The following ZNF385D variants were observed in gnomAD, a reference collection of about 807,000 sequenced individuals.
ZNF385D encodes the protein zinc finger protein 659.
A neutral mutation model predicts 35.8 loss-of-function variants in ZNF385D; 15 were observed. The observed-to-expected ratio is 0.42, with a 90% CI of 0.28 to 0.64. The LOEUF (loss-of-function observed/expected upper bound fraction) is 0.64, where lower values mean the gene tolerates loss of function less well. Among genes scored for constraint, ZNF385D ranks in the 30% least tolerant of loss-of-function variants. The probability of loss-of-function intolerance (pLI) is 0.23; values close to 1 mark genes in which losing one functional copy is unlikely to be tolerated. For missense variants in ZNF385D, 474 were observed against 494.6 expected (o/e 0.96, Z 0.39); for synonymous variants, 212 against 186.8 (o/e 1.13, Z -1.10).
At chr3:22,119,365 C>G (rs555844805) in intron 3 of ZNF385D, among the ~76,000 whole-genome samples, 90 of 152,248 alleles carry the variant, frequency 5.9e-4, no homozygotes, top group African/African-American at 2.1e-3. Context: ...GTCATATAAA[C>G]TGAAATGCAG....
chr3:21,831,477 T>G (rs953067564), intron 3 of ZNF385D, among the ~76,000 whole-genome samples: 1 of 152,232 alleles, frequency 6.6e-6, no homozygotes, highest in Non-Finnish European at 1.5e-5. Flanking sequence ...AAGAAATCCT[T>G]AGCTTTGTTC....
intron 2 of ZNF385D, among the ~76,000 whole-genome samples, chr3:21,616,631 AG>A (rs1207968538): frequency 3.9e-5 from 6 of 152,356 alleles, no homozygotes; most frequent in African/African-American, 1.2e-4. Context: ...ATTAAAAAAA[AG>A]ATTCATGTTC....
rs58068310 is a variant in ZNF385D at position 22,015,070 on chromosome 3, G to A, written c.325+153747C>T. 2.4e-3 allele frequency among the ~76,000 whole-genome samples: 372 copies of A among 152,038 alleles called. 1 individual carries two copies. Among genetic ancestry groups the A allele is most frequent in the African/African-American group, 8.6e-3 (356 of 41,490 alleles). On this transcript the variant is annotated intron_variant, in intron 3 of 5. Transcript: ENST00000494108. Reference sequence around the variant, plus strand: ...CTTTTTTTTTAAATTATACACAGCTGTGGCCATAGGATGGGACTCCCACAT... The same window carrying A: ...CTTTTTTTTTAAATTATACACAGCTATGGCCATAGGATGGGACTCCCACAT...
intron 2 of ZNF385D, among the ~76,000 whole-genome samples, chr3:21,573,789 G>T (rs540803414): frequency 6.6e-6 from 1 of 152,204 alleles, no homozygotes; most frequent in South Asian, 2.1e-4. Flanking sequence ...GCTGGGCACG[G>T]TGGCTCACCC....
At chr3:21,664,171 T>C (rs1213247346) in intron 2 of ZNF385D, among the ~76,000 whole-genome samples, 1 of 150,656 alleles carries the variant, frequency 6.6e-6, no homozygotes, top group African/African-American at 2.4e-5. Context: ...TCAATTTTCA[T>C]CCTAAGAATA....
chr3:22,138,180 T>G (rs556326596), intron 3 of ZNF385D, among the ~76,000 whole-genome samples: 1 of 152,134 alleles, frequency 6.6e-6, no homozygotes, highest in East Asian at 1.9e-4. Flanking sequence ...TACAAACAAA[T>G]GGAAGAACAT....
intron 3 of ZNF385D, among the ~76,000 whole-genome samples, chr3:21,894,498 T>G (rs560420837): frequency 3.9e-5 from 6 of 151,912 alleles, no homozygotes; most frequent in Non-Finnish European, 7.4e-5. Flanking sequence ...ATCTTTGTGA[T>G]GAAAACACAC....
chr3:21,969,185 G>A (rs900314850), intron 3 of ZNF385D, among the ~76,000 whole-genome samples: 20 of 152,278 alleles, frequency 1.3e-4, no homozygotes, highest in Non-Finnish European at 2.6e-4. Context: ...TTGGGTGGCA[G>A]CTCAGCCACA....
At chr3:21,712,764 A>G (rs1291352697) in intron 1 of ZNF385D, among the ~76,000 whole-genome samples, 4 of 152,096 alleles carry the variant, frequency 2.6e-5, no homozygotes, top group Admixed American at 2.6e-4. Context: ...GCCTTTATCT[A>G]CTCTGAGCAA....
chr3:22,113,607 A>G (rs1479905667), intron 3 of ZNF385D, among the ~76,000 whole-genome samples: 1 of 152,158 alleles, frequency 6.6e-6, no homozygotes, highest in East Asian at 1.9e-4. Context: ...GACTGAGACA[A>G]TGAGCAGCAC....
At chr3:22,233,629 A>G (rs1559468940) in intron 2 of ZNF385D, among the ~76,000 whole-genome samples, 1 of 152,040 alleles carries the variant, frequency 6.6e-6, no homozygotes, top group South Asian at 2.1e-4. Context: ...CTCCAACTAC[A>G]TCATAACCCC....
intron 3 of ZNF385D, among the ~76,000 whole-genome samples, chr3:22,006,325 G>C (rs1696199752): frequency 6.6e-6 from 1 of 151,936 alleles, no homozygotes. Context: ...TTTCCTAGTT[G>C]TACAAAAATC....
At chr3:21,852,910 C>A (rs1326445778) in intron 3 of ZNF385D, among the ~76,000 whole-genome samples, 1 of 151,684 alleles carries the variant, frequency 6.6e-6, no homozygotes, top group Admixed American at 6.6e-5. Flanking sequence ...CAGAATAATC[C>A]CGTGAGGAAA....
chr3:21,657,096 C>T (rs755596923), intron 2 of ZNF385D, among the ~76,000 whole-genome samples: 7 of 151,610 alleles, frequency 4.6e-5, no homozygotes, highest in Non-Finnish European at 1.5e-5. Context: ...TATTATGCCT[C>T]GATCTTTAAT....
At chr3:21,982,205 G>C (rs936480844) in intron 3 of ZNF385D, among the ~76,000 whole-genome samples, 5 of 151,442 alleles carry the variant, frequency 3.3e-5, no homozygotes, top group African/African-American at 1.2e-4. Context: ...CTATTCATGA[G>C]CGTGGGATTT....
At chr3:21,944,676 C>T (rs1042106456) in intron 3 of ZNF385D, among the ~76,000 whole-genome samples, 4 of 152,018 alleles carry the variant, frequency 2.6e-5, no homozygotes, top group African/African-American at 4.8e-5. Context: ...CATTTAGAAA[C>T]GTTAAATTTC....
chr3:21,589,592 T>TA (rs1178727277), intron 2 of ZNF385D, among the ~76,000 whole-genome samples: 1 of 152,090 alleles, frequency 6.6e-6, no homozygotes, highest in African/African-American at 2.4e-5. Flanking sequence ...AAAGTCACTG[T>TA]AAAAAGAACA....
In ZNF385D at chr3:21,789,589, C is replaced by T. The variant is rs755495128; in HGVS notation, c.326-124561G>A. Reference sequence around the variant, plus strand: ...AAAAAGCAAAAACCTTAATAGATTCCTTTTAACTGCCTTACTGCAAATACC... The same window carrying T: ...AAAAAGCAAAAACCTTAATAGATTCTTTTTAACTGCCTTACTGCAAATACC... On this transcript the variant is annotated intron_variant, in intron 3 of 5. Transcript: ENST00000494108. Among the ~76,000 whole-genome samples, 9 of 152,266 alleles carry T rather than the reference C, an allele frequency of 5.9e-5. No individual in the cohort carries two copies. The South Asian group carries it at 6.2e-4, about 11-fold the overall frequency.
chr3:21,997,646 CAT>C (rs1002809626), intron 3 of ZNF385D, among the ~76,000 whole-genome samples: 1 of 151,380 alleles, frequency 6.6e-6, no homozygotes, highest in African/African-American at 2.4e-5. Context: ...GTTTGCATAT[CAT>C]AGTTTATTTC....
Sources: gnomAD v4.1 joint callset for allele counts (sites outside exome capture counted in the v4.1 genomes callset) on GRCh38, gnomAD v4.1.1 for gene constraint, MANE v1.5 for transcripts, NCBI Gene and HGNC (gene_info 2026-07-23, HGNC 2026-07-21) for gene names.